The following OCA2 variants were observed in gnomAD, a reference collection of about 807,000 sequenced individuals.
OCA2 encodes the protein P protein.
A neutral mutation model predicts 100.2 loss-of-function variants in OCA2; 77 were observed. The ratio of observed to expected loss-of-function variants is 0.77; its 90% CI spans 0.64 to 0.93. The LOEUF (loss-of-function observed/expected upper bound fraction) is 0.93, where lower values mean the gene tolerates loss of function less well. OCA2 is among the 40% of genes least tolerant of loss of function. OCA2 has a pLI of 0.00. For synonymous variants in OCA2, 432 were observed against 439.2 expected (o/e 0.98, Z 0.21); for missense variants, 1,062 against 1,089.1 (o/e 0.98, Z 0.35).
At chr15:27,741,410 T>C in the OCA2 span, among the ~76,000 whole-genome samples, 2 of 152,010 alleles carry the variant, frequency 1.3e-5, no homozygotes, top group East Asian at 3.9e-4. Flanking sequence ...TAGGGAGGGG[T>C]AGGCACAGCT....
At chr15:27,872,048 A>C in intron 19 of OCA2, 126 bp from the exon 20 acceptor site, 1 of 725,464 alleles carries the variant, frequency 1.4e-6, no homozygotes, top group Non-Finnish European at 2.5e-6. Flanking sequence ...TTCTTATAAA[A>C]GATCAGACTC....
At chr15:28,094,434 G>A (rs1013639051) in intron 1 of OCA2, among the ~76,000 whole-genome samples, 2 of 152,204 alleles carry the variant, frequency 1.3e-5, no homozygotes, top group African/African-American at 2.4e-5. Flanking sequence ...ACAGGGCGGA[G>A]TATGCCACAG....
chr15:28,007,320 A>T (rs1022020537), intron 9 of OCA2, among the ~76,000 whole-genome samples: 1 of 152,236 alleles, frequency 6.6e-6, no homozygotes, highest in African/African-American at 2.4e-5. Context: ...AGCTCTGATA[A>T]TGGAATTTTT....
intron 9 of OCA2, among the ~76,000 whole-genome samples, chr15:28,002,567 A>C (rs1021453682): frequency 6.6e-6 from 1 of 152,126 alleles, no homozygotes; most frequent in African/African-American, 2.4e-5. Flanking sequence ...GAGATTGTGT[A>C]CCTGGTTTGA....
intron 15 of OCA2, among the ~76,000 whole-genome samples, chr15:27,966,308 C>T (rs954563532): frequency 6.6e-6 from 1 of 152,178 alleles, no homozygotes; most frequent in African/African-American, 2.4e-5. Context: ...GGCCCATCAC[C>T]TCCTGTGCTG....
chr15:27,757,034 G>A (rs189304092), intron 23 of OCA2, among the ~76,000 whole-genome samples: 1 of 152,266 alleles, frequency 6.6e-6, no homozygotes, highest in East Asian at 1.9e-4. Context: ...ACAACACCTA[G>A]TCACTGTGAC....
intron 2 of OCA2, 54 bp downstream of exon 2, chr15:28,081,594 A>G: frequency 1.9e-6 from 3 of 1,546,708 alleles, no homozygotes; most frequent in Non-Finnish European, 2.7e-6. Context: ...ATGCTCATGG[A>G]AACCCAATCT....
intron 19 of OCA2, among the ~76,000 whole-genome samples, chr15:27,913,892 AAAGC>A (rs201142354): frequency 0.074 from 2,758 of 37,098 alleles, 260 homozygotes; most frequent in Non-Finnish European, 0.091. Context: ...AGAAAGAAAG[AAAGC>A]AAGCAAGCAA....
chr15:27,871,250 T>A lies in OCA2; in HGVS notation c.2148A>T (p.Pro716=). ...TGGCGGCTATGAGGCGCTGCTCCTC[T>A]GGGACCATCTGGAAGGAGGACAATA... The part of the protein sequence containing the change: ...EQTALLIKMV[P]EEQRLIAAIV... Residue 716 remains proline (P), a synonymous_variant, in exon 21 of 24, where the codon CCA becomes CCT. Coordinates refer to ENST00000354638, the MANE Select transcript of OCA2 (RefSeq NM_000275.3). The A allele has an allele frequency of 1.2e-6, 2 of 1,613,542 alleles. No individual in the cohort carries two copies. The highest frequency in any genetic ancestry group is 2.2e-5 in the South Asian group (2 of 91,062).
chr15:28,081,776 G>A lies in OCA2; in HGVS notation c.99C>T (p.Ala33=), dbSNP rs746473576. ...SVPSGLAELV[A]GKRRLPRGAG... ...CTCCCCGAGGAAGCCTGCGCTTGCC[G>A]GCCACAAGTTCAGCGAGTCCGCTGG... The change falls in exon 2 of 24, where the codon GCC becomes GCT. Residue 33 remains alanine, a synonymous_variant. Transcript: ENST00000354638. 51 of 1,613,204 alleles carry A rather than the reference G, an allele frequency of 3.2e-5. No homozygotes were observed. Among genetic ancestry groups the A allele is most frequent in the Middle Eastern group, 1.6e-4 (1 of 6,068 alleles).
chr15:28,085,201 A>ACCTCC (rs2141932358), intron 1 of OCA2, among the ~76,000 whole-genome samples: 1 of 151,840 alleles, frequency 6.6e-6, no homozygotes, highest in East Asian at 1.9e-4. Flanking sequence ...ATCCCACCGC[A>ACCTCC]CCTCCCCAGA....
chr15:28,024,460 G>GA (rs1357982613), intron 5 of OCA2, among the ~76,000 whole-genome samples: 4 of 152,232 alleles, frequency 2.6e-5, no homozygotes, highest in Non-Finnish European at 5.9e-5. Context: ...AAGGGGTGCT[G>GA]AGACACTCTG....
At chr15:28,021,798 A>G (rs1160199975) in intron 6 of OCA2, among the ~76,000 whole-genome samples, 3 of 152,134 alleles carry the variant, frequency 2.0e-5, no homozygotes, top group Non-Finnish European at 4.4e-5. Context: ...TGCAGCCATG[A>G]GAAGGTAGGA....
At chr15:27,837,193 A>G (rs566784818) in intron 23 of OCA2, among the ~76,000 whole-genome samples, 2 of 152,334 alleles carry the variant, frequency 1.3e-5, no homozygotes, top group African/African-American at 4.8e-5. Flanking sequence ...ATTTTCTCCA[A>G]TGGAGCAAAT....
chr15:27,722,840 T>C, the OCA2 span, among the ~76,000 whole-genome samples: 1,463 of 142,972 alleles, frequency 0.01, 11 homozygotes, highest in Admixed American at 0.017. Context: ...CTTTCTCTCT[T>C]TCTCTCTTTC....
intron 14 of OCA2, among the ~76,000 whole-genome samples, chr15:27,979,889 G>A (rs11074315): frequency 7.7e-6 from 1 of 130,280 alleles, no homozygotes; most frequent in Admixed American, 7.7e-5. Flanking sequence ...TTTTTTTTTG[G>A]ATTTCTAGTA....
chr15:27,996,137 G>T (rs2041719988), intron 9 of OCA2, among the ~76,000 whole-genome samples: 1 of 152,068 alleles, frequency 6.6e-6, no homozygotes, highest in African/African-American at 2.4e-5. Flanking sequence ...CAACCAATGT[G>T]TCATAAAAGA....
chr15:27,851,170 G>A (rs1240438108), intron 22 of OCA2, among the ~76,000 whole-genome samples: 2 of 152,224 alleles, frequency 1.3e-5, no homozygotes, highest in Non-Finnish European at 2.9e-5. Flanking sequence ...CCAGGCAATG[G>A]GCCCGGGAAG....
chr15:27,730,408 A>T, the OCA2 span, among the ~76,000 whole-genome samples: 1 of 152,096 alleles, frequency 6.6e-6, no homozygotes, highest in Non-Finnish European at 1.5e-5. Flanking sequence ...AGGTGTGCCA[A>T]TGTGCATACC....
Sources: gnomAD v4.1 joint callset for allele counts (sites outside exome capture counted in the v4.1 genomes callset) on GRCh38, gnomAD v4.1.1 for gene constraint, MANE v1.5 for transcripts, NCBI Gene and HGNC (gene_info 2026-07-23, HGNC 2026-07-21) for gene names.